Variants in CORIN observed in about 807,000 individuals in gnomAD.
CORIN encodes corin, serine peptidase.
In CORIN, 117 loss-of-function variants were observed where a neutral mutation model predicts 125.3. That is an observed-to-expected ratio of 0.93 (90% confidence interval 0.80 to 1.09). CORIN has a LOEUF of 1.09. Ranked by LOEUF, CORIN falls within the 50% of genes least tolerant of loss-of-function variation. The probability of loss-of-function intolerance (pLI) is 0.00; values close to 1 mark genes in which losing one functional copy is unlikely to be tolerated. For missense variants in CORIN, 1,253 were observed against 1,306.7 expected, an observed-to-expected ratio of 0.96 and a Z score of 0.63; for synonymous variants, 450 against 466.4, an observed-to-expected ratio of 0.96 and a Z score of 0.45.
intron 21 of CORIN, among the ~76,000 whole-genome samples, chr4:47,596,405 C>T (rs767681296): frequency 6.6e-6 from 1 of 152,156 alleles, no homozygotes; most frequent in Non-Finnish European, 1.5e-5. Context: ...GGGTCCCTTA[C>T]TACACTTCTT....
intron 19 of CORIN, among the ~76,000 whole-genome samples, chr4:47,613,825 G>A (rs1452029558): frequency 8.4e-6 from 1 of 119,742 alleles, no homozygotes; most frequent in Non-Finnish European, 1.7e-5. Context: ...GGGGGAGGGG[G>A]GAGGGATAGC....
chr4:47,694,830 G>C (rs1043072728), intron 5 of CORIN, among the ~76,000 whole-genome samples: 3 of 151,836 alleles, frequency 2.0e-5, no homozygotes, highest in Admixed American at 2.0e-4. Context: ...ATCCCTAATA[G>C]AACAATATAT....
In CORIN at chr4:47,752,556, T is replaced by C. The variant is rs1248105955; in HGVS notation, c.618-7973A>G. Among the ~76,000 whole-genome samples, 7 of 152,220 alleles carry C rather than the reference T, an allele frequency of 4.6e-5. 1 individual carries two copies. Among genetic ancestry groups the C allele is most frequent in the Admixed American group, 2.6e-4 (4 of 15,282 alleles). ...TCAGGTCAGCAGGTTCTACATGCAC[T>C]ATTCAACATTTAAGTAATGCCCACG... On this transcript the variant is annotated intron_variant, in intron 4 of 21. Coordinates refer to ENST00000273857, the MANE Select transcript of CORIN (RefSeq NM_006587.4).
At chr4:47,703,552 G>A (rs191165390) in intron 5 of CORIN, among the ~76,000 whole-genome samples, 3 of 152,116 alleles carry the variant, frequency 2.0e-5, no homozygotes, top group Non-Finnish European at 2.9e-5. Context: ...CACTATCTGC[G>A]CTGCTTTGGC....
At chr4:47,781,772 T>C (rs1730557532) in intron 3 of CORIN, among the ~76,000 whole-genome samples, 3 of 151,938 alleles carry the variant, frequency 2.0e-5, no homozygotes, top group Admixed American at 6.6e-5. Context: ...ACCGTGTCTC[T>C]AGTAAAAATA....
intron 12 of CORIN, among the ~76,000 whole-genome samples, chr4:47,659,422 G>A (rs989453641): frequency 8.5e-5 from 13 of 152,166 alleles, no homozygotes; most frequent in Non-Finnish European, 1.5e-4. Flanking sequence ...AAGAAAAGAG[G>A]TTTAATTGAC....
chr4:47,726,904 G>GA (rs1259309845), intron 5 of CORIN, among the ~76,000 whole-genome samples: 10 of 151,882 alleles, frequency 6.6e-5, no homozygotes, highest in African/African-American at 1.9e-4. Context: ...TATTGTATTA[G>GA]AAAAAATTAA....
At chr4:47,768,360 C>T (rs916175249) in intron 3 of CORIN, among the ~76,000 whole-genome samples, 1 of 152,124 alleles carries the variant, frequency 6.6e-6, no homozygotes. Flanking sequence ...ACAGAAAAGC[C>T]CAGGACCTGA....
intron 16 of CORIN, among the ~76,000 whole-genome samples, chr4:47,633,029 G>C (rs888351853): frequency 1.3e-5 from 2 of 152,114 alleles, no homozygotes; most frequent in Non-Finnish European, 2.9e-5. Flanking sequence ...TGATCCACAT[G>C]CCTCAGCCTC....
intron 5 of CORIN, among the ~76,000 whole-genome samples, chr4:47,719,034 A>G (rs1325008326): frequency 1.3e-5 from 2 of 152,156 alleles, no homozygotes; most frequent in Non-Finnish European, 1.5e-5. Context: ...CAACACATAC[A>G]TGAATAACTC....
At chr4:47,694,737 A>C (rs1725908621) in intron 5 of CORIN, among the ~76,000 whole-genome samples, 1 of 152,216 alleles carries the variant, frequency 6.6e-6, no homozygotes, top group Admixed American at 6.5e-5. Flanking sequence ...TTCTCGATTA[A>C]TATATTTCCC....
rs758144314 is a variant in CORIN, at chr4:47,595,603, T to C, written c.*118A>G. 1.2e-5 allele frequency: 8 copies of C among 662,188 alleles called. No homozygotes were observed. The highest frequency in any genetic ancestry group is 2.8e-5 in the East Asian group (1 of 35,558). 41.0% of individuals were successfully genotyped at this position (662,188 alleles called of 1,614,324 possible). ...AAACATGCAAATTTGCAGTGCACGA[T>C]TGAGCATTTCTGTCCATGAAAAGTG... On this transcript the variant is annotated 3_prime_UTR_variant, in exon 22 of 22. Coordinates refer to ENST00000273857, the MANE Select transcript of CORIN (RefSeq NM_006587.4).
intron 2 of CORIN, 143 bp from the exon 3 acceptor site, chr4:47,787,068 C>T (rs1560548799): frequency 4.6e-6 from 3 of 645,374 alleles, no homozygotes; most frequent in East Asian, 2.7e-5. Flanking sequence ...AGATGAAAGC[C>T]GTAATAGTGA....
intron 16 of CORIN, among the ~76,000 whole-genome samples, chr4:47,630,028 G>C (rs1425657227): frequency 6.6e-6 from 1 of 152,088 alleles, no homozygotes; most frequent in African/African-American, 2.4e-5. Flanking sequence ...AGCACACCAT[G>C]TTCTTTTGAT....
At chr4:47,785,172 T>C (rs770444573) in intron 3 of CORIN, among the ~76,000 whole-genome samples, 1 of 152,146 alleles carries the variant, frequency 6.6e-6, no homozygotes, top group African/African-American at 2.4e-5. Flanking sequence ...TTTTAGAAAG[T>C]AGAAATGAAG....
chr4:47,770,806 T>C (rs1729993024), intron 3 of CORIN, among the ~76,000 whole-genome samples: 1 of 152,154 alleles, frequency 6.6e-6, no homozygotes, highest in South Asian at 2.1e-4. Context: ...ATTTCACTTA[T>C]ATGTGGAATC....
intron 16 of CORIN, among the ~76,000 whole-genome samples, chr4:47,626,837 T>C (rs1035247880): frequency 6.6e-6 from 1 of 152,218 alleles, no homozygotes; most frequent in African/African-American, 2.4e-5. Context: ...TTCCTCCTCT[T>C]TTCTTGTCCA....
At chr4:47,739,131 A>C (rs1344241393) in intron 5 of CORIN, among the ~76,000 whole-genome samples, 1 of 152,068 alleles carries the variant, frequency 6.6e-6, no homozygotes, top group Non-Finnish European at 1.5e-5. Flanking sequence ...ATGAGTCAGA[A>C]AGAATGTTTG....
At chr4:47,645,265 G>T (rs1176139898) in intron 13 of CORIN, 71 bp from the exon 14 acceptor site, 1 of 971,768 alleles carries the variant, frequency 1.0e-6, no homozygotes, top group Non-Finnish European at 1.6e-6. Context: ...AATCAATGTA[G>T]AAAAATTACG....
Sources: allele counts gnomAD v4.1 joint callset (sites outside exome capture counted in the v4.1 genomes callset), GRCh38; gene constraint gnomAD v4.1.1; transcripts MANE v1.5; gene names NCBI Gene and HGNC (gene_info 2026-07-23, HGNC 2026-07-21).